Variants in LNPK observed in about 807,000 individuals in gnomAD.
LNPK encodes the protein endoplasmic reticulum junction formation protein lunapark.
Under a neutral mutation model 55.2 loss-of-function variants are expected in LNPK, and 29 were observed. That is an observed-to-expected ratio of 0.53 (90% CI 0.39 to 0.72). The LOEUF is 0.72. LNPK is among the 30% of genes least tolerant of loss of function. The pLI is 0.00. For missense variants in LNPK, 467 were observed against 494.8 expected (o/e 0.94, Z 0.53); for synonymous variants, 162 against 168.2 (o/e 0.96, Z 0.29).
chr2:175,980,015 C>T (rs1687096449), intron 4 of LNPK, 147 bp from the exon 5 acceptor site: 1 of 701,362 alleles, frequency 1.4e-6, no homozygotes, highest in African/African-American at 1.8e-5. Context: ...TTTATTTCTG[C>T]CAGAGAACAT....
chr2:175,929,610 A>G lies in LNPK; in HGVS notation c.*357T>C, dbSNP rs1356628671. 2 of 1,021,302 alleles carry G rather than the reference A, an allele frequency of 2.0e-6. No homozygotes were observed. Among genetic ancestry groups the G allele is most frequent in the African/African-American group, 3.4e-5 (2 of 58,398 alleles). The allele number at this position is 1,021,302 out of a possible 1,614,324, so 63.3% of individuals were successfully genotyped here. A position where few individuals can be genotyped will look rare whatever the true frequency, so the allele number is the denominator to read the frequency against. ...TAAAACAAACACAATTAGAGAACTTACTCTTAACCAAAGTTCTTCCTATGT... is the reference window on the plus strand; with the variant it reads ...TAAAACAAACACAATTAGAGAACTTGCTCTTAACCAAAGTTCTTCCTATGT... On this transcript the variant is annotated 3_prime_UTR_variant, in exon 13 of 13. Coordinates refer to ENST00000272748, the MANE Select transcript of LNPK (RefSeq NM_030650.3).
rs1316713644 is a variant in LNPK, at chr2:175,947,818, TA to T, written c.494-127del. ...ATTGTAGTGTCAAAATTACTTATAA[TA>T]ATAAATCTATAATATGTGACATTGA... On this transcript the variant is annotated intron_variant, in intron 8 of 12. Coordinates refer to ENST00000272748, the MANE Select transcript of LNPK (RefSeq NM_030650.3). 1.3e-5 allele frequency: 7 copies of T among 551,504 alleles called. No homozygotes were observed. The Admixed American group carries it at 2.3e-4, about 18-fold the overall frequency. 34.2% of individuals were successfully genotyped at this position (551,504 alleles called of 1,614,324 possible).
At chr2:175,945,797 A>T (rs184413578) in intron 9 of LNPK, among the ~76,000 whole-genome samples, 1 of 152,320 alleles carries the variant, frequency 6.6e-6, no homozygotes, top group African/African-American at 2.4e-5. Context: ...CCTCTTGCAC[A>T]TGCACCTTTA....
chr2:175,930,239 C>G, intron 12 of LNPK, 40 bp from the exon 13 acceptor site: 2 of 1,473,916 alleles, frequency 1.4e-6, no homozygotes, highest in Non-Finnish European at 1.8e-6. Context: ...AATACCTGAA[C>G]GTTAAAACTG....
chr2:175,930,319 A>AC (rs1490647796), intron 12 of LNPK, 120 bp from the exon 13 acceptor site: 194 of 531,926 alleles, frequency 3.6e-4, no homozygotes, highest in Admixed American at 1.4e-3. Context: ...CACACACACA[A>AC]AGAAACCATA....
intron 5 of LNPK, among the ~76,000 whole-genome samples, chr2:175,974,734 A>C (rs1686824171): frequency 6.6e-6 from 1 of 152,178 alleles, no homozygotes; most frequent in Non-Finnish European, 1.5e-5. Flanking sequence ...GAGAATAAAA[A>C]ACAAGGACAG....
chr2:175,954,672 C>T (rs1184080198), intron 8 of LNPK, among the ~76,000 whole-genome samples: 4 of 152,178 alleles, frequency 2.6e-5, no homozygotes, highest in Non-Finnish European at 4.4e-5. Context: ...GGCCTAACTT[C>T]TAGCAATCTC....
rs1404714616 is a variant in LNPK at position 175,926,953 on chromosome 2, A to C, written c.*3014T>G. On this transcript the variant is annotated 3_prime_UTR_variant, in exon 13 of 13. Coordinates refer to ENST00000272748, the MANE Select transcript of LNPK (RefSeq NM_030650.3). ...AGTAGGCAGGCAAATATATAGCTCT[A>C]AAGTAAAGGAAACAGATCAAAGCTG... The C allele has an allele frequency of 6.6e-6, 1 of 152,164 alleles. No individual in the cohort carries two copies. Among genetic ancestry groups the C allele is most frequent in the African/African-American group, 2.4e-5 (1 of 41,450 alleles). The allele number at this position is 152,164 out of a possible 1,614,324, so 9.4% of individuals were successfully genotyped here. A position where few individuals can be genotyped will look rare whatever the true frequency, so the allele number is the denominator to read the frequency against.
chr2:175,970,002 A>G (rs1011606586), intron 6 of LNPK, among the ~76,000 whole-genome samples: 2 of 152,224 alleles, frequency 1.3e-5, no homozygotes, highest in African/African-American at 4.8e-5. Context: ...ACTAGACTAA[A>G]ATATATTGAA....
At chr2:175,947,769 T>C (rs1037694716) in intron 8 of LNPK, 77 bp from the exon 9 acceptor site, 2 of 1,056,424 alleles carry the variant, frequency 1.9e-6, no homozygotes, top group Non-Finnish European at 2.7e-6. Context: ...TTTATATTTA[T>C]TAAAATTTTA....
At chr2:176,001,822 G>C (rs1688171284) in intron 1 of LNPK, among the ~76,000 whole-genome samples, 1 of 152,132 alleles carries the variant, frequency 6.6e-6, no homozygotes, top group East Asian at 1.9e-4. Context: ...ACACAAGTGG[G>C]CCAAAGAGCT....
chr2:175,941,460 A>G (rs1328616126), intron 9 of LNPK, among the ~76,000 whole-genome samples: 3 of 152,058 alleles, frequency 2.0e-5, no homozygotes, highest in Non-Finnish European at 4.4e-5. Flanking sequence ...TTTTGCTCCA[A>G]GACAGTGCAT....
intron 4 of LNPK, among the ~76,000 whole-genome samples, chr2:175,990,683 T>C (rs964015501): frequency 3.9e-4 from 59 of 152,338 alleles, no homozygotes; most frequent in African/African-American, 1.2e-3. Context: ...TTTTATTTCA[T>C]GTTTTTTGAT....
At chr2:175,934,853 G>C (rs1008644407) in intron 12 of LNPK, among the ~76,000 whole-genome samples, 1 of 151,668 alleles carries the variant, frequency 6.6e-6, no homozygotes, top group East Asian at 1.9e-4. Flanking sequence ...AAAGCATCTG[G>C]ATGTAAAATT....
chr2:175,963,082 T>C (rs1365056218), intron 8 of LNPK, among the ~76,000 whole-genome samples: 230 of 146,358 alleles, frequency 1.6e-3, no homozygotes, highest in African/African-American at 5.6e-3. Context: ...TGTGGAGAAA[T>C]AGGAACACTT....
intron 4 of LNPK, among the ~76,000 whole-genome samples, chr2:175,986,360 T>C (rs1298722124): frequency 2.0e-5 from 3 of 151,870 alleles, no homozygotes; most frequent in African/African-American, 7.3e-5. Context: ...AGACAATAAA[T>C]AAAAATATAA....
intron 5 of LNPK, among the ~76,000 whole-genome samples, chr2:175,971,280 C>T (rs1347623306): frequency 1.3e-5 from 2 of 151,984 alleles, no homozygotes; most frequent in Non-Finnish European, 2.9e-5. Flanking sequence ...GAAAATCTAC[C>T]TTATTGCATC....
At chr2:175,993,539 G>A (rs141571125) in intron 2 of LNPK, among the ~76,000 whole-genome samples, 2 of 152,080 alleles carry the variant, frequency 1.3e-5, no homozygotes, top group Non-Finnish European at 2.9e-5. Context: ...TTTTGGCCAC[G>A]CACGGTGGCT....
At chr2:175,959,575 A>G (rs1183782690) in intron 8 of LNPK, among the ~76,000 whole-genome samples, 1 of 152,226 alleles carries the variant, frequency 6.6e-6, no homozygotes, top group Non-Finnish European at 1.5e-5. Context: ...TAAACATGGA[A>G]AGGAACTAAC....
Sources: gnomAD v4.1 joint callset for allele counts (sites outside exome capture counted in the v4.1 genomes callset) on GRCh38, gnomAD v4.1.1 for gene constraint, MANE v1.5 for transcripts, NCBI Gene and HGNC (gene_info 2026-07-23, HGNC 2026-07-21) for gene names.